The following GYS2 variants were observed in gnomAD, a reference collection of about 807,000 sequenced individuals.
GYS2 encodes the protein glycogen synthase 2.
In GYS2, 80 loss-of-function variants were observed where a neutral mutation model predicts 85.6. The observed-to-expected ratio is 0.93, with a 90% CI of 0.78 to 1.13. The LOEUF is 1.13. Among genes scored for constraint, GYS2 ranks in the 50% most tolerant of loss-of-function variants. The probability of loss-of-function intolerance (pLI) is 0.00; values close to 1 mark genes in which losing one functional copy is unlikely to be tolerated. For synonymous variants in GYS2, 328 were observed against 300.7 expected (o/e 1.09, Z -0.94); for missense variants, 881 against 854.9 (o/e 1.03, Z -0.38).
At position 21,569,006 on chromosome 12, in the gene GYS2, T is replaced by C. The variant is rs1944355992; in HGVS notation, c.682A>G (p.Asn228Asp). The C allele has an allele frequency of 3.1e-6, 5 of 1,614,100 alleles. No individual in the cohort carries two copies. Among genetic ancestry groups the C allele is most frequent in the Non-Finnish European group, 4.2e-6 (5 of 1,179,952 alleles). ...CTTTCCCCAGCCTCTTTGTCAATGT[T>C]AAACTGTTAGAAACAAAAATAAAAC... ...IDFYNHLDKF[N>D]IDKEAGERQI... Residue 228 changes from asparagine (N) to aspartate (D), a missense_variant, in exon 5 of 16, where the codon AAC (asparagine) becomes GAC (aspartate). Physicochemically the swap from Asn to Asp is conservative, Grantham distance 23 (BLOSUM62 1). Coordinates refer to ENST00000261195, the MANE Select transcript of GYS2 (RefSeq NM_021957.4).
chr12:21,576,756 A>G (rs1944451691), intron 2 of GYS2, among the ~76,000 whole-genome samples: 1 of 152,128 alleles, frequency 6.6e-6, no homozygotes, highest in Non-Finnish European at 1.5e-5. Flanking sequence ...AGTTGTATGT[A>G]TATCATCACT....
rs1317386467 is a variant in GYS2 at position 21,540,556 on chromosome 12, T to C, written c.1663A>G (p.Arg555Gly). 1.9e-6 allele frequency: 3 copies of C among 1,613,876 alleles called. No individual in the cohort carries two copies. Among genetic ancestry groups the C allele is most frequent in the Non-Finnish European group, 2.5e-6 (3 of 1,179,898 alleles). Residue 555 changes from arginine (R) to glycine (G), a missense_variant, in exon 14 of 16, where the codon AGG (arginine) becomes GGG (glycine). Arg to Gly is a moderately radical substitution (Grantham distance 125, BLOSUM62 -2). Transcript: ENST00000261195. ...GAATCATCTGGAGAACGGAACCGCC[T>C]GTCAACGATGTAAATACCTGAAGAA... ...PTAYGIYIVD[R>G]RFRSPDDSCN...
rs1461230892 is a variant in GYS2 at position 21,540,629 on chromosome 12, G to A, written c.1646-56C>T. On this transcript the variant is annotated intron_variant, in intron 13 of 15. Coordinates refer to ENST00000261195, the MANE Select transcript of GYS2 (RefSeq NM_021957.4). ...AAAGTAGGACTAACCTTAAACATTT[G>A]TTCTCCTGTGATTTACTAACTCTTT... is the stretch of plus-strand genomic sequence containing the variant. 6 of 1,458,958 alleles carry A rather than the reference G, an allele frequency of 4.1e-6. No individual in the cohort carries two copies. In the African/African-American group the frequency reaches 4.2e-5, roughly 10 times the overall value. The allele number at this position is 1,458,958 out of a possible 1,614,324, so 90.4% of individuals were successfully genotyped here.
At chr12:21,583,008 T>A (rs1378295596) in intron 1 of GYS2, among the ~76,000 whole-genome samples, 1 of 152,122 alleles carries the variant, frequency 6.6e-6, no homozygotes, top group Non-Finnish European at 1.5e-5. Flanking sequence ...CTGGACAAAG[T>A]GATGAAAGAA....
intron 4 of GYS2, among the ~76,000 whole-genome samples, chr12:21,569,228 C>T (rs1944358513): frequency 6.6e-6 from 1 of 152,178 alleles, no homozygotes; most frequent in Non-Finnish European, 1.5e-5. Context: ...CTCTAAACTG[C>T]AGTTTAACTC....
At position 21,537,085 on chromosome 12, in the gene GYS2, CT is replaced by C. The variant is rs780045599; in HGVS notation, c.1980del (p.Asp661MetfsTer19). ...QASSPQSSDV[E>X]DEVEDERYDE... The stretch of plus-strand genomic sequence containing the variant: ...TCGTATCTCTCATCCTCCACTTCAT[CT>C]TCCACATCACTGCTCTGAGGACTGG... On this transcript the variant is annotated frameshift_variant, in exon 16 of 16. Coordinates refer to ENST00000261195, the MANE Select transcript of GYS2 (RefSeq NM_021957.4). LOFTEE classifies it high-confidence loss of function. 3 of 1,613,836 alleles carry C rather than the reference CT, an allele frequency of 1.9e-6. No individual in the cohort carries two copies. In the East Asian group the frequency reaches 6.7e-5, roughly 36 times the overall value.
chr12:21,565,414 T>G (rs1317418308), intron 5 of GYS2, among the ~76,000 whole-genome samples: 2 of 126,950 alleles, frequency 1.6e-5, no homozygotes, highest in Non-Finnish European at 3.3e-5. Flanking sequence ...TATATATATA[T>G]ATATATATAT....
chr12:21,557,030 T>G (rs1944188379), intron 11 of GYS2, among the ~76,000 whole-genome samples: 1 of 152,138 alleles, frequency 6.6e-6, no homozygotes, highest in African/African-American at 2.4e-5. Flanking sequence ...CTTAGAATAG[T>G]TGTAAGAACC....
intron 4 of GYS2, 82 bp from the exon 5 acceptor site, chr12:21,569,091 G>C: frequency 7.1e-7 from 1 of 1,414,346 alleles, no homozygotes; most frequent in Admixed American, 1.7e-5. Flanking sequence ...ATTTCACCAA[G>C]TGGCTTACCT....
In GYS2 at chr12:21,563,247, C is replaced by G. The variant is rs779316853; in HGVS notation, c.922G>C (p.Val308Leu). Residue 308 changes from valine (V) to leucine (L), a missense_variant, in exon 6 of 16, where the codon GTT becomes CTT. Val to Leu is a conservative substitution (Grantham distance 32, BLOSUM62 1). Transcript: ENST00000261195. ...TCATACCCATAGAAATGACCTCGAA[C>G]AAAATCTTGGATTCTGGCCTTGTAC... Reference protein sequence around the residue: ...AMYKARIQDFVRGHFYGHLDF... With the variant: ...AMYKARIQDFLRGHFYGHLDF... 2 of 1,605,354 alleles carry G rather than the reference C, an allele frequency of 1.2e-6. No individual in the cohort carries two copies. The highest frequency in any genetic ancestry group is 1.7e-5 in the Admixed American group (1 of 60,016).
chr12:21,585,560 G>GAAAAA (rs36121025), intron 1 of GYS2, among the ~76,000 whole-genome samples: 7 of 115,786 alleles, frequency 6.0e-5, no homozygotes, highest in African/African-American at 6.5e-5. Flanking sequence ...ACTCCACCAG[G>GAAAAA]AAAAAAAAAA....
At chr12:21,593,381 A>G (rs1944660932) in intron 1 of GYS2, among the ~76,000 whole-genome samples, 1 of 134,670 alleles carries the variant, frequency 7.4e-6, no homozygotes, top group Non-Finnish European at 1.7e-5. Context: ...TAGACTAACC[A>G]AGAAAAAGAG....
At chr12:21,545,707 A>G in intron 12 of GYS2, among the ~76,000 whole-genome samples, 1 of 152,206 alleles carries the variant, frequency 6.6e-6, no homozygotes, top group East Asian at 1.9e-4. Flanking sequence ...ATAAAATAAA[A>G]TAAAATAACA....
Position 21,604,630 on chromosome 12 carries a change from T to G in GYS2, c.-38A>C. ...CCTCCGAGACTCCTTTGAATTCCTG[T>G]TTCAATTAGTTGTAATCCCAGGAGA... On this transcript the variant is annotated 5_prime_UTR_variant, in exon 1 of 16. Transcript: ENST00000261195. 6.2e-7 allele frequency: 1 copy of G among 1,610,658 alleles called. No homozygotes were observed. Among genetic ancestry groups the G allele is most frequent in the Non-Finnish European group, 8.5e-7 (1 of 1,177,670 alleles).
intron 1 of GYS2, among the ~76,000 whole-genome samples, chr12:21,592,616 C>G (rs775803144): frequency 2.6e-5 from 4 of 152,042 alleles, no homozygotes; most frequent in Non-Finnish European, 5.9e-5. Context: ...ACACTCAACA[C>G]CAGAGCATCC....
chr12:21,556,630 A>T (rs1944182801), intron 11 of GYS2, among the ~76,000 whole-genome samples: 3 of 152,202 alleles, frequency 2.0e-5, no homozygotes, highest in African/African-American at 7.2e-5. Flanking sequence ...ATGTAACTCA[A>T]ACTCAATTAA....
Position 21,568,960 on chromosome 12 carries a change from C to A in GYS2, c.728G>T (p.Cys243Phe). Residue 243 changes from cysteine to phenylalanine, a missense_variant, in exon 5 of 16, where the codon TGC (cysteine) becomes TTC (phenylalanine). Physicochemically the swap from Cys to Phe is radical, Grantham distance 205. Transcript: ENST00000261195. The part of the protein sequence containing the change: ...AGERQIYHRY[C>F]MERASVHCAH... Reference sequence around the variant, plus strand: ...GCAATGAACGGAAGCTCGCTCCATGCAGTACCGGTGGTAAATCTGCCTTTC... The same window carrying A: ...GCAATGAACGGAAGCTCGCTCCATGAAGTACCGGTGGTAAATCTGCCTTTC... 2 of 1,613,688 alleles carry A rather than the reference C, an allele frequency of 1.2e-6. No homozygotes were observed.
At chr12:21,578,803 C>G (rs1457930899) in intron 2 of GYS2, among the ~76,000 whole-genome samples, 2 of 152,090 alleles carry the variant, frequency 1.3e-5, no homozygotes, top group Admixed American at 1.3e-4. Flanking sequence ...TTATTCTCTT[C>G]AATCCTCCAT....
At chr12:21,588,743 T>C (rs1944601266) in intron 1 of GYS2, among the ~76,000 whole-genome samples, 1 of 152,158 alleles carries the variant, frequency 6.6e-6, no homozygotes, top group Admixed American at 6.5e-5. Flanking sequence ...AACTTAACCA[T>C]CCAACAATAA....
Sources: gnomAD v4.1 joint callset for allele counts (sites outside exome capture counted in the v4.1 genomes callset) on GRCh38, gnomAD v4.1.1 for gene constraint, MANE v1.5 for transcripts, NCBI Gene and HGNC (gene_info 2026-07-23, HGNC 2026-07-21) for gene names.